Variants in ADGRL2 observed in about 807,000 individuals in gnomAD.
ADGRL2 encodes adhesion G protein-coupled receptor L2, also known as calcium-independent alpha-latrotoxin receptor 2.
A neutral mutation model predicts 157.4 loss-of-function variants in ADGRL2; 44 were observed. That is an observed-to-expected ratio of 0.28 (90% CI 0.22 to 0.36). The LOEUF is 0.36. Among genes scored for constraint, ADGRL2 ranks in the 10% least tolerant of loss-of-function variants. The probability of loss-of-function intolerance (pLI) is 1.00; values close to 1 mark genes in which losing one functional copy is unlikely to be tolerated. For missense variants in ADGRL2, 1,510 were observed against 1,768.9 expected (o/e 0.85, Z 2.63); for synonymous variants, 585 against 624.7 (o/e 0.94, Z 0.95).
At chr1:81,382,970 T>G (rs957779281) in intron 1 of ADGRL2, among the ~76,000 whole-genome samples, 8 of 152,212 alleles carry the variant, frequency 5.3e-5, no homozygotes, top group Non-Finnish European at 1.0e-4. Flanking sequence ...TGCCTAGCAT[T>G]TACAATTGTC....
chr1:81,808,548 G>A (rs1221130844), intron 1 of ADGRL2, among the ~76,000 whole-genome samples: 1 of 151,816 alleles, frequency 6.6e-6, no homozygotes, highest in Non-Finnish European at 1.5e-5. Context: ...TTATTTTAGA[G>A]GTTTGTTTTT....
chr1:81,401,017 G>A (rs1208457898), intron 1 of ADGRL2, among the ~76,000 whole-genome samples: 2 of 152,128 alleles, frequency 1.3e-5, no homozygotes, highest in African/African-American at 4.8e-5. Flanking sequence ...CAGGAGCGTC[G>A]CTGTTCTGAA....
chr1:81,549,224 C>T (rs60896042), intron 2 of ADGRL2, among the ~76,000 whole-genome samples: 3 of 152,230 alleles, frequency 2.0e-5, no homozygotes, highest in East Asian at 3.9e-4. Context: ...AAATGGATGA[C>T]GTTTGTAACT....
chr1:81,722,765 A>C, intron 1 of ADGRL2: 1 of 797,576 alleles, frequency 1.3e-6, no homozygotes, highest in Non-Finnish European at 2.2e-6. Context: ...CAAGAAGAGC[A>C]TGAGAGAGCC....
chr1:81,814,646 G>C (rs773060055), intron 1 of ADGRL2, among the ~76,000 whole-genome samples: 8 of 150,958 alleles, frequency 5.3e-5, no homozygotes, highest in Non-Finnish European at 1.2e-4. Context: ...TTTATTTTAG[G>C]AACAAAAATA....
intron 2 of ADGRL2, among the ~76,000 whole-genome samples, chr1:81,790,211 C>A (rs538352408): frequency 1.3e-5 from 2 of 152,004 alleles, no homozygotes; most frequent in African/African-American, 4.8e-5. Context: ...AATTCACATG[C>A]GTTACTTTCC....
intron 2 of ADGRL2, among the ~76,000 whole-genome samples, chr1:81,575,254 T>C (rs1030322091): frequency 1.1e-4 from 16 of 152,188 alleles, no homozygotes; most frequent in Admixed American, 6.6e-5. Context: ...CACGAACTTG[T>C]CTGATGAAGT....
chr1:81,521,675 G>A (rs2148167897), intron 2 of ADGRL2, among the ~76,000 whole-genome samples: 1 of 152,144 alleles, frequency 6.6e-6, no homozygotes. Flanking sequence ...CATAATTTTT[G>A]GTTTTTCACT....
intron 3 of ADGRL2, among the ~76,000 whole-genome samples, chr1:81,624,873 G>A (rs965504170): frequency 6.6e-6 from 1 of 152,140 alleles, no homozygotes; most frequent in African/African-American, 2.4e-5. Flanking sequence ...AATGAGACAA[G>A]CATTGAGTTG....
chr1:81,445,687 T>A (rs771855195), intron 2 of ADGRL2, among the ~76,000 whole-genome samples: 1 of 152,166 alleles, frequency 6.6e-6, no homozygotes, highest in Non-Finnish European at 1.5e-5. Context: ...TTACATAGGA[T>A]CTTTAATTCC....
chr1:81,967,129 G>A (rs1657308330), intron 13 of ADGRL2, among the ~76,000 whole-genome samples: 1 of 152,152 alleles, frequency 6.6e-6, no homozygotes, highest in Non-Finnish European at 1.5e-5. Flanking sequence ...TTGGAAGATT[G>A]TCTACAGAAT....
At chr1:81,736,513 C>A (rs911189314) in intron 1 of ADGRL2, among the ~76,000 whole-genome samples, 1 of 152,154 alleles carries the variant, frequency 6.6e-6, no homozygotes, top group Non-Finnish European at 1.5e-5. Flanking sequence ...GATTATTCAG[C>A]AGAGCTAAAC....
intron 15 of ADGRL2, 61 bp downstream of exon 15, chr1:81,969,448 G>A: frequency 1.8e-6 from 2 of 1,119,810 alleles, no homozygotes. Context: ...TAGGTGTGAG[G>A]TGACATATGA....
intron 1 of ADGRL2, among the ~76,000 whole-genome samples, chr1:81,733,527 A>T (rs1480090893): frequency 1.3e-5 from 2 of 152,164 alleles, no homozygotes; most frequent in Non-Finnish European, 2.9e-5. Context: ...TAAGGGTACC[A>T]GTCAGGTTAG....
chr1:81,569,771 C>T (rs1008795866), intron 2 of ADGRL2, among the ~76,000 whole-genome samples: 1 of 152,156 alleles, frequency 6.6e-6, no homozygotes, highest in Admixed American at 6.6e-5. Flanking sequence ...GATCATGCCA[C>T]TGCACTCCAG....
chr1:81,918,525 A>G (rs966190667), intron 3 of ADGRL2, among the ~76,000 whole-genome samples: 6 of 152,288 alleles, frequency 3.9e-5, no homozygotes, highest in African/African-American at 9.6e-5. Context: ...AAAATTACCA[A>G]TGTACCATAC....
At chr1:81,828,604 C>A (rs1012290870) in intron 1 of ADGRL2, among the ~76,000 whole-genome samples, 4 of 151,948 alleles carry the variant, frequency 2.6e-5, no homozygotes, top group Non-Finnish European at 5.9e-5. Context: ...TTTTTATAAC[C>A]TATGTTTCTT....
At chr1:81,962,936 A>G (rs1289992747) in intron 11 of ADGRL2, among the ~76,000 whole-genome samples, 3 of 152,070 alleles carry the variant, frequency 2.0e-5, no homozygotes, top group Non-Finnish European at 4.4e-5. Context: ...TTTTAAATCA[A>G]TGGATCCAGT....
At chr1:81,494,002 T>C (rs2078683904) in intron 2 of ADGRL2, among the ~76,000 whole-genome samples, 2 of 152,194 alleles carry the variant, frequency 1.3e-5, no homozygotes, top group East Asian at 1.9e-4. Context: ...GAAACAATTT[T>C]AATATGAATT....
Sources: gnomAD v4.1 joint callset for allele counts (sites outside exome capture counted in the v4.1 genomes callset) on GRCh38, gnomAD v4.1.1 for gene constraint, MANE v1.5 for transcripts, NCBI Gene and HGNC (gene_info 2026-07-23, HGNC 2026-07-21) for gene names.